EXOC4: variants seen among roughly 807,000 people sequenced by gnomAD.
EXOC4 encodes exocyst complex component 4, also known as SEC8-like 1.
Under a neutral mutation model 107.2 loss-of-function variants are expected in EXOC4, and 71 were observed. That is an observed-to-expected ratio of 0.66 (90% CI 0.55 to 0.81). The LOEUF is 0.81. Among genes scored for constraint, EXOC4 ranks in the 30% least tolerant of loss-of-function variants. EXOC4 has a pLI of 0.00. For missense variants in EXOC4, 1,108 were observed against 1,189.6 expected (o/e 0.93, Z 1.01); for synonymous variants, 456 against 441.2 (o/e 1.03, Z -0.42).
chr7:133,341,918 T>A (rs1795670071), intron 5 of EXOC4, among the ~76,000 whole-genome samples: 1 of 152,176 alleles, frequency 6.6e-6, no homozygotes, highest in African/African-American at 2.4e-5. Flanking sequence ...TAGATTTATG[T>A]GAGTTCTTAT....
At chr7:133,599,891 A>AT (rs762443674) in intron 9 of EXOC4, among the ~76,000 whole-genome samples, 762 of 54,534 alleles carry the variant, frequency 0.014, 5 homozygotes, top group Middle Eastern at 0.022. Context: ...CAGATCTCTG[A>AT]TTTTTTTTTT....
chr7:133,315,332 A>T (rs976584162), intron 4 of EXOC4: 4 of 152,322 alleles, frequency 2.6e-5, no homozygotes, highest in African/African-American at 9.7e-5. Flanking sequence ...GCAAGGTCTA[A>T]TAAGAACCAG....
chr7:133,585,787 A>G (rs184698356), intron 9 of EXOC4, among the ~76,000 whole-genome samples: 2 of 152,180 alleles, frequency 1.3e-5, no homozygotes, highest in East Asian at 1.9e-4. Context: ...TCTGCCTCCC[A>G]GGTTCAAGTG....
At chr7:133,980,669 C>A (rs1194882261) in intron 14 of EXOC4, among the ~76,000 whole-genome samples, 1 of 152,166 alleles carries the variant, frequency 6.6e-6, no homozygotes, top group African/African-American at 2.4e-5. Context: ...GAAGTAATAT[C>A]CTGAAATTGT....
At chr7:133,506,409 T>C (rs899303997) in intron 9 of EXOC4, among the ~76,000 whole-genome samples, 3 of 152,110 alleles carry the variant, frequency 2.0e-5, no homozygotes, top group African/African-American at 7.2e-5. Flanking sequence ...TCTGGAAAGG[T>C]ATAAGAAATT....
chr7:133,555,940 G>T (rs1047146590), intron 9 of EXOC4, among the ~76,000 whole-genome samples: 2 of 152,150 alleles, frequency 1.3e-5, no homozygotes, highest in Non-Finnish European at 2.9e-5. Context: ...CCTGTTAGTT[G>T]TTGCCTTTAG....
At chr7:133,748,578 T>C (rs1795724314) in intron 10 of EXOC4, among the ~76,000 whole-genome samples, 3 of 152,272 alleles carry the variant, frequency 2.0e-5, no homozygotes, top group South Asian at 2.1e-4. Flanking sequence ...TTTATTACAG[T>C]GAGGTAGTAA....
At chr7:133,432,374 C>G (rs1797875285) in intron 7 of EXOC4, among the ~76,000 whole-genome samples, 1 of 152,198 alleles carries the variant, frequency 6.6e-6, no homozygotes, top group South Asian at 2.1e-4. Flanking sequence ...TACAACACAG[C>G]TTTGTATTTG....
the EXOC4 span, among the ~76,000 whole-genome samples, chr7:134,095,302 G>T: frequency 6.6e-6 from 1 of 151,978 alleles, no homozygotes; most frequent in Admixed American, 6.6e-5. Context: ...ACAAAACACT[G>T]CAAAAAAGAA....
intron 11 of EXOC4, among the ~76,000 whole-genome samples, chr7:133,882,086 A>T (rs934854199): frequency 1.3e-5 from 2 of 152,150 alleles, no homozygotes; most frequent in Admixed American, 1.3e-4. Flanking sequence ...CCTTCACATA[A>T]GTGAGACCAA....
At chr7:133,332,711 T>A (rs1353505755) in intron 5 of EXOC4, among the ~76,000 whole-genome samples, 4 of 152,246 alleles carry the variant, frequency 2.6e-5, no homozygotes, top group African/African-American at 9.6e-5. Context: ...TTGTAAAGAT[T>A]CAACAGTTAT....
chr7:133,484,263 T>G, intron 9 of EXOC4: 5 of 1,251,290 alleles, frequency 4.0e-6, no homozygotes, highest in South Asian at 1.7e-5. Context: ...AGATGGTTCA[T>G]TATATAGTCT....
At chr7:133,637,670 C>T (rs185344698) in intron 10 of EXOC4, among the ~76,000 whole-genome samples, 5 of 152,276 alleles carry the variant, frequency 3.3e-5, no homozygotes, top group African/African-American at 9.6e-5. Flanking sequence ...TCTGCCTGAC[C>T]TGTAAGGTCT....
chr7:133,554,858 A>T (rs1800662511), intron 9 of EXOC4, among the ~76,000 whole-genome samples: 1 of 152,224 alleles, frequency 6.6e-6, no homozygotes. Flanking sequence ...TATGCCTTGC[A>T]CATTACATGT....
At chr7:133,529,883 A>G (rs541023672) in intron 9 of EXOC4, among the ~76,000 whole-genome samples, 1 of 152,174 alleles carries the variant, frequency 6.6e-6, no homozygotes, top group Non-Finnish European at 1.5e-5. Flanking sequence ...ATGTTCAGGA[A>G]TAGCAACCAG....
At chr7:133,314,937 A>AG (rs1794955796) in intron 4 of EXOC4, 1 of 152,170 alleles carries the variant, frequency 6.6e-6, no homozygotes, top group Admixed American at 6.6e-5. Flanking sequence ...TACAATTAAA[A>AG]CATTTTTATT....
intron 9 of EXOC4, among the ~76,000 whole-genome samples, chr7:133,563,780 G>A (rs979234189): frequency 1.3e-5 from 2 of 152,142 alleles, no homozygotes; most frequent in Non-Finnish European, 2.9e-5. Context: ...TCAAATATAC[G>A]TGCTTATACT....
chr7:133,487,888 A>G (rs1563084311), intron 9 of EXOC4, among the ~76,000 whole-genome samples: 1 of 152,128 alleles, frequency 6.6e-6, no homozygotes. Flanking sequence ...TGCTCATCTT[A>G]TTAGACATTT....
chr7:133,968,317 A>G (rs955778175), intron 14 of EXOC4, among the ~76,000 whole-genome samples: 10 of 152,170 alleles, frequency 6.6e-5, no homozygotes, highest in African/African-American at 2.4e-4. Flanking sequence ...TGTCTTTTAA[A>G]TGGGGCATTT....
Sources: gnomAD v4.1 joint callset for allele counts (sites outside exome capture counted in the v4.1 genomes callset) on GRCh38, gnomAD v4.1.1 for gene constraint, MANE v1.5 for transcripts, NCBI Gene and HGNC (gene_info 2026-07-23, HGNC 2026-07-21) for gene names.